OTUD7A: variants seen among roughly 807,000 people sequenced by gnomAD.
OTUD7A encodes the protein OTU domain-containing protein 7A.
In OTUD7A, 12 loss-of-function variants were observed where a neutral mutation model predicts 65.7. The observed-to-expected ratio is 0.18, with a 90% CI of 0.12 to 0.30. The LOEUF is 0.30. OTUD7A is among the 10% of genes least tolerant of loss of function. The pLI is 1.00. For missense variants in OTUD7A, 1,148 were observed against 1,304.8 expected, an observed-to-expected ratio of 0.88 and a Z score of 1.85; for synonymous variants, 641 against 586.3, an observed-to-expected ratio of 1.09 and a Z score of -1.35.
At chr15:31,762,044 T>C (rs1391643029) in intron 1 of OTUD7A, among the ~76,000 whole-genome samples, 1 of 152,224 alleles carries the variant, frequency 6.6e-6, no homozygotes, top group African/African-American at 2.4e-5. Flanking sequence ...TTTGGGGTAA[T>C]GAAGTGTTCC....
chr15:31,568,524 A>C (rs1029819885), intron 4 of OTUD7A, among the ~76,000 whole-genome samples: 7 of 152,236 alleles, frequency 4.6e-5, no homozygotes, highest in African/African-American at 1.4e-4. Flanking sequence ...TGCTGGAACA[A>C]GTCAAGACTT....
chr15:31,703,166 C>T (rs1162105890), intron 1 of OTUD7A, among the ~76,000 whole-genome samples: 2 of 151,944 alleles, frequency 1.3e-5, no homozygotes, highest in Non-Finnish European at 2.9e-5. Context: ...TGAAAATAAA[C>T]ATACGAGAAA....
At position 31,484,304 on chromosome 15, in the gene OTUD7A, GCGACGGCGTGGTCTTTTC is replaced by G; in HGVS notation, c.1774_1791del (p.Glu592_Ser597del). 6.3e-7 allele frequency: 1 copy of G among 1,596,178 alleles called. No individual in the cohort carries two copies. Among genetic ancestry groups the G allele is most frequent in the South Asian group, 1.1e-5 (1 of 90,208 alleles). ...GACGCGCCCGCTGCCTTGTCTGTGG[GCGACGGCGTGGTCTTTTC>G]CGACGGCGACGTGCTGGCCGACGCA... On this transcript the variant is annotated inframe_deletion, in exon 13 of 13. Coordinates refer to ENST00000307050, the MANE Select transcript of OTUD7A (RefSeq NM_001382637.1). This position sits in a 1 kb window ranked among gnomAD's most constrained non-coding sequence, Gnocchi z 4.5.
In OTUD7A at chr15:31,534,081, T is replaced by C. The variant is rs759167744; in HGVS notation, c.551-3273A>G. On this transcript the variant is annotated intron_variant, in intron 5 of 12. Coordinates refer to ENST00000307050, the MANE Select transcript of OTUD7A (RefSeq NM_001382637.1). The stretch of plus-strand genomic sequence containing the variant: ...ATATTACACAAGCTCCTCCAGAAAA[T>C]AGCCAACATTACCCTGATACCAAAA... 3.3e-5 allele frequency among the ~76,000 whole-genome samples: 5 copies of C among 152,038 alleles called. No homozygotes were observed. In the South Asian group the frequency reaches 6.2e-4, roughly 19 times the overall value.
chr15:31,631,946 C>T (rs1322315018), intron 3 of OTUD7A, among the ~76,000 whole-genome samples: 1 of 152,220 alleles, frequency 6.6e-6, no homozygotes, highest in African/African-American at 2.4e-5. Flanking sequence ...CCATCAGCTC[C>T]TTTAAGGACT....
At chr15:31,558,879 T>C (rs887626586) in intron 5 of OTUD7A, 90 bp downstream of exon 5, 4 of 1,375,750 alleles carry the variant, frequency 2.9e-6, no homozygotes, top group South Asian at 1.2e-5. Flanking sequence ...TCTGAGAACA[T>C]GTGCCCTTCT....
At chr15:31,495,943 G>T (rs2041376328) in intron 10 of OTUD7A, among the ~76,000 whole-genome samples, 2 of 151,800 alleles carry the variant, frequency 1.3e-5, no homozygotes, top group Admixed American at 6.6e-5. Flanking sequence ...GCATGTGCCT[G>T]TAGTCCCACC....
chr15:31,784,663 G>A (rs1389335249), intron 1 of OTUD7A, among the ~76,000 whole-genome samples: 2 of 152,084 alleles, frequency 1.3e-5, no homozygotes, highest in Non-Finnish European at 2.9e-5. Flanking sequence ...AAGGGAACCT[G>A]ACATCAAAAA....
chr15:31,544,177 T>G (rs1035307429), intron 5 of OTUD7A, among the ~76,000 whole-genome samples: 2 of 151,404 alleles, frequency 1.3e-5, no homozygotes, highest in African/African-American at 4.9e-5. Flanking sequence ...AGAAAATATT[T>G]TGAAACCATG....
At chr15:31,557,666 C>T (rs1888543215) in intron 5 of OTUD7A, 1 of 152,148 alleles carries the variant, frequency 6.6e-6, no homozygotes, top group Non-Finnish European at 1.5e-5. Flanking sequence ...TAAATCCTGC[C>T]CACTCCTTGG....
chr15:31,574,232 C>T (rs1889138250), intron 3 of OTUD7A, among the ~76,000 whole-genome samples: 1 of 151,738 alleles, frequency 6.6e-6, no homozygotes, highest in Non-Finnish European at 1.5e-5. Context: ...TTTAAAATAT[C>T]AGAAAAAATA....
chr15:31,685,928 G>A (rs530718601), intron 1 of OTUD7A, among the ~76,000 whole-genome samples: 4 of 150,182 alleles, frequency 2.7e-5, no homozygotes, highest in Admixed American at 2.0e-4. Flanking sequence ...TGTGTGGATC[G>A]CAAGCCCCCA....
At chr15:31,769,521 A>G (rs891847662) in intron 1 of OTUD7A, among the ~76,000 whole-genome samples, 1 of 152,234 alleles carries the variant, frequency 6.6e-6, no homozygotes, top group Non-Finnish European at 1.5e-5. Flanking sequence ...GAATGTTCAT[A>G]GCCACTTTAT....
At chr15:31,496,536 T>A (rs1328947339) in intron 10 of OTUD7A, among the ~76,000 whole-genome samples, 1 of 152,252 alleles carries the variant, frequency 6.6e-6, no homozygotes, top group East Asian at 1.9e-4. Context: ...AATGATTCTT[T>A]AACACAATTT....
At chr15:31,558,637 C>G (rs559972823) in intron 5 of OTUD7A, 2 of 344,448 alleles carry the variant, frequency 5.8e-6, no homozygotes, top group East Asian at 1.0e-4. Context: ...TCCTATCTTT[C>G]ATTCAACACC....
chr15:31,620,746 T>C (rs1480652929), intron 3 of OTUD7A, among the ~76,000 whole-genome samples: 5 of 104,652 alleles, frequency 4.8e-5, no homozygotes, highest in Non-Finnish European at 8.8e-5. Flanking sequence ...TTTTGAAGGG[T>C]TTTTTGTGTC....
intron 3 of OTUD7A, among the ~76,000 whole-genome samples, chr15:31,626,189 CCA>C (rs1469258518): frequency 6.6e-6 from 1 of 152,056 alleles, no homozygotes; most frequent in Non-Finnish European, 1.5e-5. Context: ...ATAGATTTTA[CCA>C]TAAAGAACCA....
At chr15:31,813,869 G>C (rs1896483071) in intron 1 of OTUD7A, among the ~76,000 whole-genome samples, 1 of 151,994 alleles carries the variant, frequency 6.6e-6, no homozygotes. Flanking sequence ...ACAGTCAGGA[G>C]GCTCTACTTA....
At position 31,808,136 on chromosome 15, in the gene OTUD7A, C is replaced by CACACACACAAA. The variant is rs772574742; in HGVS notation, c.-100+62370_-100+62371insTTTGTGTGTGT. 1.4e-3 allele frequency among the ~76,000 whole-genome samples: 169 copies of CACACACACAAA among 119,498 alleles called. 1 individual carries two copies. The highest frequency in any genetic ancestry group is 4.5e-3 in the African/African-American group (160 of 35,726). 78.4% of individuals were successfully genotyped at this position (119,498 alleles called of 152,430 possible). A position where few individuals can be genotyped will look rare whatever the true frequency, so the allele number is the denominator to read the frequency against. On this transcript the variant is annotated intron_variant, in intron 1 of 12. Coordinates refer to ENST00000307050, the MANE Select transcript of OTUD7A (RefSeq NM_001382637.1). ...ACACACACACACACACACACACACA[C>CACACACACAAA]AAACAAATCCTCACCAGGTTTTTCC...
Sources: gnomAD v4.1 joint callset for allele counts (sites outside exome capture counted in the v4.1 genomes callset) on GRCh38, gnomAD v4.1.1 for gene constraint, Gnocchi (gnomAD v3.1) non-coding constraint, MANE v1.5 for transcripts, NCBI Gene and HGNC (gene_info 2026-07-23, HGNC 2026-07-21) for gene names.